The following CPLANE1 variants were observed in gnomAD, a reference collection of about 807,000 sequenced individuals.
CPLANE1 encodes ciliogenesis and planar polarity effector 1.
A neutral mutation model predicts 362.5 loss-of-function variants in CPLANE1; 263 were observed. The ratio of observed to expected loss-of-function variants is 0.73; its 90% CI spans 0.66 to 0.80. The LOEUF is 0.80. CPLANE1 is among the 30% of genes least tolerant of loss of function. CPLANE1 has a pLI of 0.00. For missense variants in CPLANE1, 3,461 were observed against 3,793.4 expected, an observed-to-expected ratio of 0.91 and a Z score of 2.30; for synonymous variants, 1,212 against 1,302.6, an observed-to-expected ratio of 0.93 and a Z score of 1.50.
chr5:37,229,192 T>G (rs1262731827), intron 9 of CPLANE1, among the ~76,000 whole-genome samples: 1 of 143,138 alleles, frequency 7.0e-6, no homozygotes. Context: ...ACTCCAGCCT[T>G]GGTAACAGAG....
intron 5 of CPLANE1, 21 bp from the exon 6 acceptor site, chr5:37,243,140 CT>C: frequency 7.5e-7 from 1 of 1,331,434 alleles, no homozygotes; most frequent in Non-Finnish European, 1.0e-6. Context: ...ATTTAATATA[CT>C]TTAGTATAAA....
rs180799687 is a variant in CPLANE1 at position 37,150,523 on chromosome 5, C to T, written c.8374-2255G>A. ...GCCTCCCTCCCCCAACACACACGCG[C>T]GCACACACACACACACACAACTCCT... On this transcript the variant is annotated intron_variant, in intron 42 of 52. Transcript: ENST00000651892. 3.9e-4 allele frequency among the ~76,000 whole-genome samples: 60 copies of T among 152,056 alleles called. No homozygotes were observed. In the East Asian group the frequency reaches 0.01, roughly 26 times the overall value.
Position 37,167,091 on chromosome 5 carries a change from T to A in CPLANE1, c.7356A>T (p.Lys2452Asn). The change falls in exon 35 of 53, where the codon AAA (lysine) becomes AAT (asparagine). Residue 2452 changes from lysine (K) to asparagine (N), a missense_variant. By Grantham distance (94) the Lys-to-Asn change is moderately conservative. Coordinates refer to ENST00000651892, the MANE Select transcript of CPLANE1 (RefSeq NM_001384732.1). ...CTTGTCTTACTTCAGGTGGTTCTAT[T>A]TTGACCTTTAGAAGTTGAAGGTGTC... ...DAGHLQLLKVKIEPPEVRQGK... is the reference protein window; with the variant it reads ...DAGHLQLLKVNIEPPEVRQGK... The A allele has an allele frequency of 6.2e-7, 1 of 1,613,026 alleles. No homozygotes were observed. Among genetic ancestry groups the A allele is most frequent in the East Asian group, 2.2e-5 (1 of 44,806 alleles).
Position 37,226,434 on chromosome 5 carries a change from C to T in CPLANE1, c.2161G>A (p.Ala721Thr). 1 of 1,551,336 alleles carries T rather than the reference C, an allele frequency of 6.4e-7. No individual in the cohort carries two copies. Among genetic ancestry groups the T allele is most frequent in the Non-Finnish European group, 8.7e-7 (1 of 1,146,834 alleles). Residue 721 changes from alanine (A) to threonine (T), a missense_variant, in exon 12 of 53, where the codon GCT (alanine) becomes ACT (threonine). Ala to Thr is a moderately conservative substitution (Grantham distance 58, BLOSUM62 0). Coordinates refer to ENST00000651892, the MANE Select transcript of CPLANE1 (RefSeq NM_001384732.1). ...SASADGSKIT[A>T]QDSLVVPIFQ... ...ATAGGTACCACCAATGAGTCTTGAGCTGTTATTTTACTTCCATCAGCTGAT... is the reference window on the plus strand; with the variant it reads ...ATAGGTACCACCAATGAGTCTTGAGTTGTTATTTTACTTCCATCAGCTGAT...
chr5:37,212,956 T>C (rs1183550626), intron 16 of CPLANE1, among the ~76,000 whole-genome samples: 3 of 152,200 alleles, frequency 2.0e-5, no homozygotes, highest in African/African-American at 7.2e-5. Flanking sequence ...CGCACGCCTA[T>C]AATCCCAGCA....
At chr5:37,164,602 G>C (rs1047665388) in intron 36 of CPLANE1, among the ~76,000 whole-genome samples, 1 of 152,154 alleles carries the variant, frequency 6.6e-6, no homozygotes, top group Non-Finnish European at 1.5e-5. Flanking sequence ...GAGTAGCTTT[G>C]ATAATACTCA....
At chr5:37,081,447 G>A in the CPLANE1 span, among the ~76,000 whole-genome samples, 1,023 of 151,876 alleles carry the variant, frequency 6.7e-3, 9 homozygotes, top group African/African-American at 0.023. Context: ...TTCAGCCTCC[G>A]GAGTAGCTGG....
chr5:37,218,126 C>T (rs1044121965), intron 15 of CPLANE1, among the ~76,000 whole-genome samples: 11 of 152,090 alleles, frequency 7.2e-5, no homozygotes, highest in Non-Finnish European at 4.4e-5. Flanking sequence ...GTAAGGTGGT[C>T]CTTGGCTGGT....
chr5:37,078,996 T>C, the CPLANE1 span, among the ~76,000 whole-genome samples: 2 of 152,248 alleles, frequency 1.3e-5, no homozygotes, highest in African/African-American at 2.4e-5. Flanking sequence ...TCCCATTCTG[T>C]AAGTTGTCTA....
At chr5:37,193,125 T>C (rs1786122975) in intron 21 of CPLANE1, among the ~76,000 whole-genome samples, 1 of 151,462 alleles carries the variant, frequency 6.6e-6, no homozygotes, top group Non-Finnish European at 1.5e-5. Flanking sequence ...AGATTGTGCA[T>C]GCCACTGCAC....
At chr5:37,198,396 C>T (rs773787005) in intron 20 of CPLANE1, among the ~76,000 whole-genome samples, 21 of 152,098 alleles carry the variant, frequency 1.4e-4, no homozygotes, top group Non-Finnish European at 2.2e-4. Flanking sequence ...TGGGAGAAAG[C>T]CCTGGACTGA....
chr5:37,225,194 C>T (rs987495316), intron 12 of CPLANE1, among the ~76,000 whole-genome samples: 1 of 151,586 alleles, frequency 6.6e-6, no homozygotes, highest in Admixed American at 6.6e-5. Context: ...CTCAGCCTCC[C>T]GGGCTCAAGC....
At chr5:37,079,819 T>C in the CPLANE1 span, among the ~76,000 whole-genome samples, 7 of 152,202 alleles carry the variant, frequency 4.6e-5, no homozygotes, top group Admixed American at 3.3e-4. Flanking sequence ...GTCCAAAGTT[T>C]TCCTACAGAA....
intron 41 of CPLANE1, among the ~76,000 whole-genome samples, chr5:37,157,003 T>C (rs1429642471): frequency 6.6e-6 from 1 of 152,238 alleles, no homozygotes; most frequent in Non-Finnish European, 1.5e-5. Flanking sequence ...ATTTGAGAAT[T>C]TCCCACCTTT....
At chr5:37,151,113 T>G (rs1773436135) in intron 42 of CPLANE1, among the ~76,000 whole-genome samples, 6 of 152,164 alleles carry the variant, frequency 3.9e-5, no homozygotes, top group Admixed American at 3.9e-4. Flanking sequence ...CTGTTCCTCC[T>G]TGTCTCCCCT....
In CPLANE1 at chr5:37,183,688, T is replaced by C. The variant is rs1783249287; in HGVS notation, c.4493A>G (p.Asn1498Ser). 6.4e-7 allele frequency: 1 copy of C among 1,571,714 alleles called. No homozygotes were observed. The highest frequency in any genetic ancestry group is 1.4e-5 in the African/African-American group (1 of 72,826). The change falls in exon 26 of 53, where the codon AAT (asparagine) becomes AGT (serine). Residue 1498 changes from asparagine to serine, a missense_variant. By Grantham distance (46) the Asn-to-Ser change is conservative. Around this residue, in one of 2 missense-constraint regions of CPLANE1, gnomAD observed 3,380 missense variants for 3,666.1 expected, o/e 0.92. Transcript: ENST00000651892. ...RINIYQRNAP[N>S]HMELTSIHKP... is the part of the protein sequence containing the mutation. ...ATGAATTGATGTTAATTCCATGTGA[T>C]TTGGGGCATTTCTATAGCAAAAAAA... is the stretch of plus-strand genomic sequence containing the variant.
chr5:37,197,056 T>G (rs925309780), intron 20 of CPLANE1, among the ~76,000 whole-genome samples: 4 of 151,268 alleles, frequency 2.6e-5, no homozygotes, highest in African/African-American at 9.7e-5. Context: ...TAAACGACAC[T>G]AAATGAAGAA....
At position 37,245,819 on chromosome 5, in the gene CPLANE1, A is replaced by C; in HGVS notation, c.108T>G (p.Asp36Glu). Residue 36 changes from aspartate (D) to glutamate (E), a missense_variant, in exon 3 of 53, where the codon GAT (aspartate) becomes GAG (glutamate). Transcript: ENST00000651892. ...GKEKEAVFLL[D>E]DKFINEINLL... is the part of the protein sequence containing the mutation. ...AATTAATTTCATTTATGAATTTATC[A>C]TCCAAAAGAAAAACGGCTTCTTTTT... 6.6e-7 allele frequency: 1 copy of C among 1,521,622 alleles called. No individual in the cohort carries two copies. Among genetic ancestry groups the C allele is most frequent in the Non-Finnish European group, 8.8e-7 (1 of 1,137,314 alleles). 94.3% of individuals were successfully genotyped at this position (1,521,622 alleles called of 1,614,324 possible). A position where few individuals can be genotyped will look rare whatever the true frequency, so the allele number is the denominator to read the frequency against.
At chr5:37,217,744 AG>A (rs939707014) in intron 15 of CPLANE1, among the ~76,000 whole-genome samples, 7 of 151,786 alleles carry the variant, frequency 4.6e-5, no homozygotes, top group African/African-American at 1.7e-4. Context: ...TGGGAGGCCG[AG>A]GGGGGAGGAT....
Sources: allele counts gnomAD v4.1 joint callset (sites outside exome capture counted in the v4.1 genomes callset), GRCh38; gene constraint gnomAD v4.1.1; regional missense constraint gnomAD v4.1.1; transcripts MANE v1.5; gene names NCBI Gene and HGNC (gene_info 2026-07-23, HGNC 2026-07-21).